GPC6: variants seen among roughly 807,000 people sequenced by gnomAD.
The protein encoded by GPC6 is glypican-6.
Under a neutral mutation model 55.2 loss-of-function variants are expected in GPC6, and 14 were observed. The ratio of observed to expected loss-of-function variants is 0.25; its 90% confidence interval spans 0.17 to 0.40. The LOEUF (loss-of-function observed/expected upper bound fraction) is 0.40. Among genes scored for constraint, GPC6 ranks in the 10% least tolerant of loss-of-function variants. The pLI is 1.00. For missense variants in GPC6, 641 were observed against 708.5 expected, an observed-to-expected ratio of 0.90 and a Z score of 1.08; for synonymous variants, 278 against 259.6, an observed-to-expected ratio of 1.07 and a Z score of -0.68.
At chr13:93,304,939 A>T (rs558227146) in intron 1 of GPC6, among the ~76,000 whole-genome samples, 1 of 151,868 alleles carries the variant, frequency 6.6e-6, no homozygotes, top group Non-Finnish European at 1.5e-5. Context: ...CTGGCAGAGA[A>T]CCTCCTGCCC....
At chr13:93,657,440 A>C (rs1880724459) in intron 2 of GPC6, among the ~76,000 whole-genome samples, 1 of 152,152 alleles carries the variant, frequency 6.6e-6, no homozygotes, top group African/African-American at 2.4e-5. Flanking sequence ...CACCATATAC[A>C]AAAATTAACT....
chr13:94,252,607 C>T (rs1404233008), intron 4 of GPC6, among the ~76,000 whole-genome samples: 1 of 152,036 alleles, frequency 6.6e-6, no homozygotes, highest in African/African-American at 2.4e-5. Context: ...CTGTACCCAC[C>T]ACCACCAACA....
At chr13:94,028,626 T>TTGGCTAA (rs1394256105) in intron 4 of GPC6, among the ~76,000 whole-genome samples, 5 of 152,210 alleles carry the variant, frequency 3.3e-5, no homozygotes, top group African/African-American at 1.2e-4. Flanking sequence ...GATCAATACT[T>TTGGCTAA]TGGCTAAAAT....
chr13:93,706,130 T>G (rs1198767076), intron 2 of GPC6, among the ~76,000 whole-genome samples: 3 of 151,886 alleles, frequency 2.0e-5, no homozygotes, highest in Admixed American at 2.0e-4. Flanking sequence ...TCAATTGTCT[T>G]TAAGTTCCTA....
chr13:94,379,117 T>C (rs1324943099), intron 6 of GPC6, among the ~76,000 whole-genome samples: 1 of 152,282 alleles, frequency 6.6e-6, no homozygotes, highest in East Asian at 1.9e-4. Context: ...CAGTTACATA[T>C]ATTATTCAGA....
intron 2 of GPC6, among the ~76,000 whole-genome samples, chr13:93,645,302 A>G (rs1880129702): frequency 6.6e-6 from 1 of 151,644 alleles, no homozygotes; most frequent in Non-Finnish European, 1.5e-5. Context: ...TTAAATAGAC[A>G]TAAAAGCATA....
chr13:93,770,577 GC>G (rs1350951036), intron 2 of GPC6, among the ~76,000 whole-genome samples: 1 of 152,144 alleles, frequency 6.6e-6, no homozygotes, highest in African/African-American at 2.4e-5. Context: ...TGCCTCAGAA[GC>G]TTTGTGGAGG....
At chr13:93,517,742 C>T (rs1383609282) in intron 1 of GPC6, among the ~76,000 whole-genome samples, 2 of 152,000 alleles carry the variant, frequency 1.3e-5, no homozygotes, top group African/African-American at 2.4e-5. Context: ...GCATGTACTA[C>T]AGCAAGAGCT....
intron 3 of GPC6, among the ~76,000 whole-genome samples, chr13:93,849,260 C>T (rs1860049804): frequency 6.6e-6 from 1 of 152,062 alleles, no homozygotes; most frequent in Non-Finnish European, 1.5e-5. Flanking sequence ...GTTATAACAT[C>T]TCCCACTTTA....
At chr13:94,373,159 C>G (rs1879666236) in intron 6 of GPC6, among the ~76,000 whole-genome samples, 1 of 152,148 alleles carries the variant, frequency 6.6e-6, no homozygotes, top group Non-Finnish European at 1.5e-5. Context: ...CAGAGCGCCT[C>G]TCCTCCTCCA....
chr13:93,471,968 G>C (rs1465627610), intron 1 of GPC6, among the ~76,000 whole-genome samples: 1 of 152,174 alleles, frequency 6.6e-6, no homozygotes, highest in Admixed American at 6.5e-5. Context: ...TACCAAGAGA[G>C]AAGTATTGAA....
chr13:93,384,726 T>C (rs1875327053), intron 1 of GPC6, among the ~76,000 whole-genome samples: 1 of 152,228 alleles, frequency 6.6e-6, no homozygotes, highest in Admixed American at 6.5e-5. Flanking sequence ...GAAAGAGGTA[T>C]GAATACACAT....
At chr13:93,344,866 T>C (rs1880376536) in intron 1 of GPC6, among the ~76,000 whole-genome samples, 1 of 152,192 alleles carries the variant, frequency 6.6e-6, no homozygotes, top group Non-Finnish European at 1.5e-5. Flanking sequence ...CACAAAAGCC[T>C]ATTTTCTAGG....
chr13:93,354,519 ATTTTT>A (rs775211146), intron 1 of GPC6, among the ~76,000 whole-genome samples: 1 of 51,730 alleles, frequency 1.9e-5, no homozygotes, highest in Non-Finnish European at 3.8e-5. Flanking sequence ...CTCGGCTATT[ATTTTT>A]TTTTTTTTTT....
chr13:94,398,024 G>T (rs995258710), intron 7 of GPC6, among the ~76,000 whole-genome samples: 3 of 151,796 alleles, frequency 2.0e-5, no homozygotes, highest in African/African-American at 7.3e-5. Context: ...CTGCCACCAT[G>T]TGAGATGTGC....
At chr13:93,870,372 A>G (rs1331299752) in intron 3 of GPC6, among the ~76,000 whole-genome samples, 2 of 151,786 alleles carry the variant, frequency 1.3e-5, no homozygotes, top group African/African-American at 4.8e-5. Context: ...TATTACTACT[A>G]TTTTTCCAAC....
rs536873033 is a variant in GPC6 at position 93,992,652 on chromosome 13, C to T, written c.712-35077C>T. ...TGACAGGGGCAAATCAATGCAAGATCAGTGGCCTGGATATTGATTATTATC... is the reference window on the plus strand; with the variant it reads ...TGACAGGGGCAAATCAATGCAAGATTAGTGGCCTGGATATTGATTATTATC... On this transcript the variant is annotated intron_variant, in intron 3 of 8. Coordinates refer to ENST00000377047, the MANE Select transcript of GPC6 (RefSeq NM_005708.5). 3.9e-5 allele frequency among the ~76,000 whole-genome samples: 6 copies of T among 152,232 alleles called. No homozygotes were observed. The South Asian group carries it at 8.3e-4, about 21-fold the overall frequency.
chr13:93,768,713 A>C (rs1885198725), intron 2 of GPC6, among the ~76,000 whole-genome samples: 1 of 152,198 alleles, frequency 6.6e-6, no homozygotes, highest in African/African-American at 2.4e-5. Context: ...GAATTCATAC[A>C]GGAATTTTTT....
At chr13:93,909,358 TA>T (rs1876842119) in intron 3 of GPC6, among the ~76,000 whole-genome samples, 1 of 152,026 alleles carries the variant, frequency 6.6e-6, no homozygotes, top group East Asian at 1.9e-4. Flanking sequence ...AAATATTACA[TA>T]AACTCGTTAA....
Sources: gnomAD v4.1 joint callset for allele counts (sites outside exome capture counted in the v4.1 genomes callset) on GRCh38, gnomAD v4.1.1 for gene constraint, MANE v1.5 for transcripts, NCBI Gene and HGNC (gene_info 2026-07-23, HGNC 2026-07-21) for gene names.